Variants in PPP1R12A observed in about 807,000 individuals in gnomAD.
PPP1R12A encodes the protein myosin binding subunit.
Under a neutral mutation model 139.6 loss-of-function variants are expected in PPP1R12A, and 19 were observed. The observed-to-expected ratio is 0.14, with a 90% CI of 0.09 to 0.20. The LOEUF is 0.20. Among genes scored for constraint, PPP1R12A ranks in the 10% least tolerant of loss-of-function variants. The pLI is 1.00. For missense variants in PPP1R12A, 925 were observed against 1,211.5 expected (o/e 0.76, Z 3.51); for synonymous variants, 427 against 420.6 (o/e 1.02, Z -0.19).
At chr12:79,836,846 A>G (rs1878145894) in intron 3 of PPP1R12A, among the ~76,000 whole-genome samples, 1 of 152,174 alleles carries the variant, frequency 6.6e-6, no homozygotes, top group South Asian at 2.1e-4. Flanking sequence ...CAGATACTGA[A>G]CCGAGACTGG....
At chr12:79,928,618 C>T (rs1022536464) in intron 1 of PPP1R12A, among the ~76,000 whole-genome samples, 1 of 152,146 alleles carries the variant, frequency 6.6e-6, no homozygotes, top group African/African-American at 2.4e-5. Context: ...TAAAAGTTAT[C>T]CAGTAGGTTC....
intron 4 of PPP1R12A, 142 bp downstream of exon 4, chr12:79,832,190 T>G: frequency 1.4e-6 from 1 of 690,962 alleles, no homozygotes; most frequent in Non-Finnish European, 2.2e-6. Flanking sequence ...TCAAAGTAGT[T>G]TTTCTCTTTC....
chr12:79,904,937 C>G (rs1024569173), intron 1 of PPP1R12A, among the ~76,000 whole-genome samples: 2 of 152,196 alleles, frequency 1.3e-5, no homozygotes, highest in African/African-American at 2.4e-5. Context: ...CAAAACCACA[C>G]AAAGGTAAAT....
chr12:79,849,981 A>T (rs1592712142), intron 2 of PPP1R12A, among the ~76,000 whole-genome samples: 1 of 151,430 alleles, frequency 6.6e-6, no homozygotes, highest in Non-Finnish European at 1.5e-5. Context: ...ATACTACAAC[A>T]CCCAGCTAAA....
At position 79,786,422 on chromosome 12, in the gene PPP1R12A, T is replaced by C. The variant is rs1201732363; in HGVS notation, c.2859A>G (p.Thr953=). 1 of 1,563,954 alleles carries C rather than the reference T, an allele frequency of 6.4e-7. No homozygotes were observed. ...NEKLKAQLHD[T]NMELTDLKLQ... ...ATTTAAGATCTGTTAGTTCCATATT[T>C]GTATCATGTAGCTGTGCCTTCAGCT... The change falls in exon 22 of 25, where the codon ACA becomes ACG. Residue 953 remains threonine, a synonymous_variant. Transcript: ENST00000450142.
chr12:79,845,032 C>T (rs532483448), intron 3 of PPP1R12A, among the ~76,000 whole-genome samples: 2 of 152,114 alleles, frequency 1.3e-5, no homozygotes, highest in Non-Finnish European at 2.9e-5. Flanking sequence ...ATCCCCTTTG[C>T]CTACTTTATT....
chr12:79,786,028 A>G (rs1267639738), intron 22 of PPP1R12A, among the ~76,000 whole-genome samples: 6 of 152,248 alleles, frequency 3.9e-5, no homozygotes, highest in Admixed American at 3.9e-4. Context: ...AAATATTTGT[A>G]GTAAACAAAA....
intron 2 of PPP1R12A, among the ~76,000 whole-genome samples, chr12:79,860,739 T>A (rs1171943908): frequency 8.5e-5 from 13 of 152,106 alleles, no homozygotes; most frequent in Admixed American, 8.5e-4. Context: ...TAAACTCAAG[T>A]GAATTCAACA....
At chr12:79,911,775 C>T (rs765158861) in intron 1 of PPP1R12A, among the ~76,000 whole-genome samples, 3 of 152,010 alleles carry the variant, frequency 2.0e-5, no homozygotes, top group Admixed American at 6.6e-5. Flanking sequence ...GCCTCTACTC[C>T]CGTATCAGCC....
chr12:79,812,564 A>ACTTC (rs961476220), intron 9 of PPP1R12A, among the ~76,000 whole-genome samples: 1 of 151,652 alleles, frequency 6.6e-6, no homozygotes, highest in African/African-American at 2.4e-5. Context: ...GAGGGTCTTT[A>ACTTC]CTTCCTCAGG....
At chr12:79,789,776 CA>C (rs1375329309) in intron 20 of PPP1R12A, 1 of 305,838 alleles carries the variant, frequency 3.3e-6, no homozygotes, top group South Asian at 2.2e-5. Context: ...AATTAGGTGA[CA>C]CTTTTTTTTT....
At chr12:79,795,935 G>A (rs1005288390) in intron 17 of PPP1R12A, among the ~76,000 whole-genome samples, 176 bp from the exon 18 acceptor site, 6 of 152,080 alleles carry the variant, frequency 3.9e-5, no homozygotes, top group Non-Finnish European at 7.4e-5. Context: ...CAGATCCAGT[G>A]TTGCCAGGTC....
intron 2 of PPP1R12A, among the ~76,000 whole-genome samples, chr12:79,863,742 A>C (rs1283298354): frequency 1.3e-5 from 2 of 151,778 alleles, no homozygotes; most frequent in Non-Finnish European, 2.9e-5. Flanking sequence ...GAGACAAAGA[A>C]GGCCATTACA....
chr12:79,840,879 T>C (rs1476653394), intron 3 of PPP1R12A, among the ~76,000 whole-genome samples: 1 of 152,138 alleles, frequency 6.6e-6, no homozygotes, highest in African/African-American at 2.4e-5. Flanking sequence ...ATTTGCTGCA[T>C]CTATCCAATG....
At chr12:79,893,402 CT>C (rs1884844201) in intron 1 of PPP1R12A, among the ~76,000 whole-genome samples, 1 of 152,106 alleles carries the variant, frequency 6.6e-6, no homozygotes, top group South Asian at 2.1e-4. Flanking sequence ...ACATTCATCC[CT>C]TTTCTCCCCC....
At chr12:79,789,252 A>G (rs969670313) in intron 20 of PPP1R12A, among the ~76,000 whole-genome samples, 2 of 152,044 alleles carry the variant, frequency 1.3e-5, no homozygotes, top group Non-Finnish European at 2.9e-5. Flanking sequence ...TAATACTACT[A>G]ATTTCCATTA....
intron 23 of PPP1R12A, chr12:79,780,807 C>T (rs1430893521): frequency 6.6e-6 from 1 of 152,050 alleles, no homozygotes; most frequent in Admixed American, 6.6e-5. Context: ...AAACATGACT[C>T]AGAACACTAA....
chr12:79,818,026 A>G (rs528551089), intron 8 of PPP1R12A, among the ~76,000 whole-genome samples: 1 of 152,286 alleles, frequency 6.6e-6, no homozygotes, highest in East Asian at 1.9e-4. Flanking sequence ...TCCCACTCCT[A>G]AAAAGTCTAA....
intron 2 of PPP1R12A, among the ~76,000 whole-genome samples, chr12:79,848,224 A>T (rs1450724047): frequency 6.6e-6 from 1 of 152,178 alleles, no homozygotes; most frequent in African/African-American, 2.4e-5. Context: ...AATGTATATA[A>T]AACTAAAAAG....
Sources: gnomAD v4.1 joint callset for allele counts (sites outside exome capture counted in the v4.1 genomes callset) on GRCh38, gnomAD v4.1.1 for gene constraint, MANE v1.5 for transcripts, NCBI Gene and HGNC (gene_info 2026-07-23, HGNC 2026-07-21) for gene names.